Variants in TENM1 observed in about 807,000 individuals in gnomAD.
TENM1 encodes teneurin transmembrane protein 1, also known as teneurin-1.
In TENM1, 35 loss-of-function variants were observed where a neutral mutation model predicts 174.8. The ratio of observed to expected loss-of-function variants is 0.20; its 90% CI spans 0.15 to 0.27. TENM1 has a LOEUF of 0.27. Ranked by LOEUF, TENM1 falls within the 10% of genes least tolerant of loss-of-function variation. The pLI is 1.00. For synonymous variants in TENM1, 781 were observed against 798.7 expected (o/e 0.98, Z 0.37); for missense variants, 1,633 against 2,130.1 (o/e 0.77, Z 4.59).
chrX:124,822,537 C>A (rs775699604), intron 3 of TENM1, among the ~76,000 whole-genome samples: 3 of 112,176 alleles, frequency 2.7e-5, no homozygotes, highest in Non-Finnish European at 5.6e-5. Context: ...AATTTACCTT[C>A]AAGCTTCCAC....
chrX:124,589,346 C>T (rs1380201520), intron 11 of TENM1, among the ~76,000 whole-genome samples: 1 of 93,939 alleles, frequency 1.1e-5, no homozygotes, highest in African/African-American at 4.2e-5. Flanking sequence ...GGATACTGGC[C>T]TGTAGTTTGT....
At chrX:125,009,957 C>A in the TENM1 span, among the ~76,000 whole-genome samples, 2 of 111,695 alleles carry the variant, frequency 1.8e-5, no homozygotes, top group East Asian at 5.7e-4. Flanking sequence ...GAGGCATTCC[C>A]TTTAAAAACT....
chrX:124,777,196 C>G (rs184878641), intron 3 of TENM1, among the ~76,000 whole-genome samples: 4 of 111,447 alleles, frequency 3.6e-5, no homozygotes, highest in African/African-American at 1.3e-4. Flanking sequence ...TATACTAATA[C>G]TAACTTTCTG....
chrX:124,453,512 A>G (rs1188083069), intron 22 of TENM1, 21 bp from the exon 26 acceptor site: 1 of 1,188,770 alleles, frequency 8.4e-7, no homozygotes, highest in Non-Finnish European at 1.1e-6. Context: ...AGAGCAAATG[A>G]GCATTAGTAG....
chrX:124,784,668 G>C (rs1330597793), intron 3 of TENM1, among the ~76,000 whole-genome samples: 1 of 111,385 alleles, frequency 9.0e-6, no homozygotes, highest in Non-Finnish European at 1.9e-5. Context: ...TTTAAAGTTG[G>C]GACAGAATAT....
the TENM1 span, among the ~76,000 whole-genome samples, chrX:125,026,009 G>C: frequency 1.8e-5 from 2 of 109,512 alleles, no homozygotes; most frequent in African/African-American, 6.6e-5. Flanking sequence ...CAAAAAGTTG[G>C]AAAAAATAAC....
chrX:124,556,619 C>G (rs2048701412), intron 14 of TENM1, among the ~76,000 whole-genome samples: 1 of 110,819 alleles, frequency 9.0e-6, no homozygotes, highest in Non-Finnish European at 1.9e-5. Flanking sequence ...ACGCATTTAC[C>G]TTACTTACAG....
intron 2 of TENM1, among the ~76,000 whole-genome samples, 196 bp from the exon 6 acceptor site, chrX:124,894,548 A>G (rs1247453287): frequency 8.9e-6 from 1 of 112,049 alleles, no homozygotes; most frequent in Non-Finnish European, 1.9e-5. Flanking sequence ...TTGCACAACC[A>G]TCACATCTAT....
intron 3 of TENM1, among the ~76,000 whole-genome samples, chrX:124,758,955 T>C (rs1229621421): frequency 2.7e-5 from 3 of 111,794 alleles, no homozygotes; most frequent in Non-Finnish European, 5.6e-5. Context: ...ATATTTGCTA[T>C]ACAAAAATGT....
At chrX:125,126,314 G>A in the TENM1 span, among the ~76,000 whole-genome samples, 1 of 111,577 alleles carries the variant, frequency 9.0e-6, no homozygotes, top group Non-Finnish European at 1.9e-5. Flanking sequence ...GCTGTGAAGT[G>A]ATAATTTGTT....
At chrX:124,828,066 G>A (rs2056207437) in intron 3 of TENM1, among the ~76,000 whole-genome samples, 1 of 111,738 alleles carries the variant, frequency 8.9e-6, no homozygotes, top group South Asian at 3.7e-4. Context: ...ACAATCAGGA[G>A]TCATGGCCAA....
At chrX:125,154,793 G>A in the TENM1 span, among the ~76,000 whole-genome samples, 22 of 109,912 alleles carry the variant, frequency 2.0e-4, no homozygotes, top group Admixed American at 4.8e-4. Flanking sequence ...GCAGACTTTC[G>A]CGGTGAGTGT....
chrX:124,984,578 G>C, the TENM1 span, among the ~76,000 whole-genome samples: 2 of 111,903 alleles, frequency 1.8e-5, no homozygotes, highest in African/African-American at 6.5e-5. Context: ...TTATGGGGTT[G>C]AGTTCTTACT....
intron 22 of TENM1, among the ~76,000 whole-genome samples, chrX:124,466,302 A>G (rs1167688742): frequency 8.9e-6 from 1 of 112,101 alleles, no homozygotes; most frequent in Non-Finnish European, 1.9e-5. Context: ...AATTTAAAAA[A>G]TGAGTAATTA....
chrX:124,383,599 C>A (rs1275204134), intron 30 of TENM1, 35 bp downstream of exon 33: 7 of 1,149,383 alleles, frequency 6.1e-6, no homozygotes, highest in Non-Finnish European at 8.2e-6. Context: ...CTGAGTTACT[C>A]AAGTTTAGCT....
At chrX:124,795,222 G>T (rs1020877476) in intron 3 of TENM1, among the ~76,000 whole-genome samples, 7 of 112,203 alleles carry the variant, frequency 6.2e-5, no homozygotes, top group Admixed American at 1.9e-4. Flanking sequence ...TAAATAAGTA[G>T]TAGTTTCAAT....
intron 1 of TENM1, among the ~76,000 whole-genome samples, chrX:124,935,146 G>C (rs1013532785): frequency 9.3e-6 from 1 of 107,000 alleles, no homozygotes; most frequent in African/African-American, 3.4e-5. Flanking sequence ...GATTTGGACA[G>C]TTCACTTCTC....
intron 25 of TENM1, among the ~76,000 whole-genome samples, chrX:124,418,361 A>AC (rs2060616192): frequency 1.3e-5 from 1 of 75,162 alleles, no homozygotes; most frequent in Non-Finnish European, 2.5e-5. Flanking sequence ...ACCACCCCCC[A>AC]CCCCCCAGAT....
At position 124,520,791 on chromosome X, in the gene TENM1, TAAAA is replaced by T. The variant is rs112813437; in HGVS notation, c.3034-11_3034-8del. On this transcript the variant is annotated splice_polypyrimidine_tract_variant and splice_region_variant and intron_variant, in intron 17 of 31. Coordinates refer to ENST00000422452, the Ensembl canonical transcript of TENM1. ...GAATTTCCTCCTGTACAACCTGAAATAAAAAAAAAAAAAAAAAGCCAAATAGGCT... is the reference window on the plus strand; with the variant it reads ...GAATTTCCTCCTGTACAACCTGAAATAAAAAAAAAAAAAGCCAAATAGGCT... 2,827 of 1,013,096 alleles carry T rather than the reference TAAAA, an allele frequency of 2.8e-3. No individual in the cohort carries two copies. Among genetic ancestry groups the T allele is most frequent in the South Asian group, 8.3e-3 (313 of 37,593 alleles). 83.5% of individuals were successfully genotyped at this position (1,013,096 alleles called of 1,213,427 possible). A position where few individuals can be genotyped will look rare whatever the true frequency, so the allele number is the denominator to read the frequency against.
Sources: allele counts gnomAD v4.1 joint callset (sites outside exome capture counted in the v4.1 genomes callset), GRCh38; gene constraint gnomAD v4.1.1; transcripts MANE v1.5; gene names NCBI Gene and HGNC (gene_info 2026-07-23, HGNC 2026-07-21).